The following FAM161A variants were observed in gnomAD, a reference collection of about 807,000 sequenced individuals.
FAM161A encodes protein FAM161A.
In FAM161A, 57 loss-of-function variants were observed where a neutral mutation model predicts 70.9. The observed-to-expected ratio is 0.80, with a 90% CI of 0.65 to 1.00. The LOEUF (loss-of-function observed/expected upper bound fraction) is 1.00. FAM161A is among the 50% of genes least tolerant of loss of function. The pLI is 0.00. For synonymous variants in FAM161A, 299 were observed against 295.7 expected (o/e 1.01, Z -0.12); for missense variants, 880 against 836.0 (o/e 1.05, Z -0.65).
the FAM161A span, among the ~76,000 whole-genome samples, chr2:61,808,307 C>T: frequency 6.7e-6 from 1 of 150,158 alleles, no homozygotes; most frequent in African/African-American, 2.5e-5. Context: ...GAGTCTTGCT[C>T]TGTCGCCCAG....
downstream of FAM161A, among the ~76,000 whole-genome samples, chr2:61,823,139 C>A (rs1672241302): frequency 6.6e-6 from 1 of 150,920 alleles, no homozygotes; most frequent in African/African-American, 2.4e-5. Flanking sequence ...TCAAGACCAG[C>A]CTGGCCAAGA....
chr2:61,848,827 TCTATATATATTTATATATATATTTA>T (rs1558491391), intron 1 of FAM161A, among the ~76,000 whole-genome samples: 153 of 9,996 alleles, frequency 0.015, 54 homozygotes, highest in East Asian at 0.049. Context: ...TATATATATA[TCTATATATATTTATATATATATTTA>T]TATATATATT....
At chr2:61,841,162 T>C (rs895972921) in intron 2 of FAM161A, among the ~76,000 whole-genome samples, 3 of 152,172 alleles carry the variant, frequency 2.0e-5, no homozygotes, top group Non-Finnish European at 2.9e-5. Context: ...AGAGTCACTG[T>C]CCTGAAGCAT....
At chr2:61,804,211 C>A in the FAM161A span, among the ~76,000 whole-genome samples, 1 of 152,130 alleles carries the variant, frequency 6.6e-6, no homozygotes, top group African/African-American at 2.4e-5. Flanking sequence ...AGGTTACTCT[C>A]GTGGCCATCT....
rs1672382918 is a variant in FAM161A, at chr2:61,826,734, C to CA, written c.2007-136dup. On this transcript the variant is annotated intron_variant, in intron 6 of 6. Coordinates refer to ENST00000404929, the MANE Select transcript of FAM161A (RefSeq NM_001201543.2). ...ATTCCAATTTGTTACCAAGACAACTCAAAAAAAAGAAGAAAACGCTATAAA... is the reference window on the plus strand; with the variant it reads ...ATTCCAATTTGTTACCAAGACAACTCAAAAAAAAAGAAGAAAACGCTATAAA... 2.4e-4 allele frequency: 145 copies of CA among 615,550 alleles called. 1 individual carries two copies. The highest frequency in any genetic ancestry group is 1.4e-3 in the South Asian group (69 of 51,040). The allele number at this position is 615,550 out of a possible 1,614,324, so 38.1% of individuals were successfully genotyped here.
chr2:61,845,149 G>A (rs991462504), intron 1 of FAM161A, among the ~76,000 whole-genome samples: 17 of 152,064 alleles, frequency 1.1e-4, no homozygotes, highest in African/African-American at 3.9e-4. Flanking sequence ...GGGAGTGTGA[G>A]CAACAAGACA....
chr2:61,842,338 G>C lies in FAM161A; in HGVS notation c.206C>G (p.Ser69Cys), dbSNP rs1001899350. 2 of 1,569,334 alleles carry C rather than the reference G, an allele frequency of 1.3e-6. No homozygotes were observed. The highest frequency in any genetic ancestry group is 2.7e-5 in the African/African-American group (2 of 73,538). Reference protein sequence around the residue: ...GASADLNTSFSGVDEHAPISY... With the variant: ...GASADLNTSFCGVDEHAPISY... ...TATCGGTGCATGTTCATCCACCCCAGAAAAGCTGGTGTTCAAATCAGCCTG... is the reference window on the plus strand; with the variant it reads ...TATCGGTGCATGTTCATCCACCCCACAAAAGCTGGTGTTCAAATCAGCCTG... Residue 69 changes from serine (S) to cysteine (C), a missense_variant, in exon 2 of 7, where the codon TCT (serine) becomes TGT (cysteine). Coordinates refer to ENST00000404929, the MANE Select transcript of FAM161A (RefSeq NM_001201543.2).
rs181428961 is a variant in FAM161A at position 61,837,021 on chromosome 2, C to T, written c.1752-912G>A. The T allele has an allele frequency of 3.5e-3, 531 of 153,544 alleles. 3 individuals are homozygous for T. Among genetic ancestry groups the T allele is most frequent in the Non-Finnish European group, 4.8e-3 (331 of 68,626 alleles). The allele number at this position is 153,544 out of a possible 1,614,324, so 9.5% of individuals were successfully genotyped here. On this transcript the variant is annotated intron_variant, in intron 4 of 6. Transcript: ENST00000404929. ...GTGGAACTACAGGGGCATGCCACCACACCTGGCTAATTTTTTTAAATTTTT... is the reference window on the plus strand; with the variant it reads ...GTGGAACTACAGGGGCATGCCACCATACCTGGCTAATTTTTTTAAATTTTT...
Position 61,843,898 on chromosome 2 carries a change from C to A in FAM161A, c.184-1538G>T, listed in dbSNP as rs142349765. Among the ~76,000 whole-genome samples, 1,073 of 152,248 alleles carry A rather than the reference C, an allele frequency of 7.0e-3. 13 individuals carry two copies. The highest frequency in any genetic ancestry group is 0.024 in the African/African-American group (1,011 of 41,552). On this transcript the variant is annotated intron_variant, in intron 1 of 6. Transcript: ENST00000404929. ...GTGGCTCACGCCTATAATCCCAGCA[C>A]TTTGGGAGGCCGAGGCAGGTGGATC...
intron 1 of FAM161A, chr2:61,846,812 C>T (rs189725997): frequency 9.8e-5 from 39 of 395,976 alleles, no homozygotes; most frequent in South Asian, 3.2e-4. Flanking sequence ...AGTCTAGCAA[C>T]GGTTATTCAT....
intron 4 of FAM161A, among the ~76,000 whole-genome samples, chr2:61,837,898 T>C (rs1341175040): frequency 1.3e-5 from 2 of 152,172 alleles, no homozygotes; most frequent in Non-Finnish European, 2.9e-5. Flanking sequence ...AAAGCACATA[T>C]GCATATTTAG....
In FAM161A at chr2:61,840,581, T is replaced by A; in HGVS notation, c.423A>T (p.Arg141Ser). The change falls in exon 3 of 7, where the codon AGA becomes AGT. Residue 141 changes from arginine to serine, a missense_variant and splice_region_variant. Transcript: ENST00000404929. ...IREDSLSDSS[R>S]SVSEKNSYHP... Reference sequence around the variant, plus strand: ...GATAGGAGTTCTTTTCTGATACAGATCTAAATGAGAAGAATAACTATGTTA... The same window carrying A: ...GATAGGAGTTCTTTTCTGATACAGAACTAAATGAGAAGAATAACTATGTTA... 1 of 1,583,656 alleles carries A rather than the reference T, an allele frequency of 6.3e-7. No individual in the cohort carries two copies. Among genetic ancestry groups the A allele is most frequent in the Non-Finnish European group, 8.7e-7 (1 of 1,152,384 alleles).
chr2:61,804,812 AAG>A, the FAM161A span, among the ~76,000 whole-genome samples: 26 of 149,682 alleles, frequency 1.7e-4, no homozygotes, highest in African/African-American at 5.9e-4. Context: ...GAAAGAAAGA[AAG>A]AAAGAGAAAG....
At chr2:61,804,644 C>T in the FAM161A span, among the ~76,000 whole-genome samples, 1 of 150,588 alleles carries the variant, frequency 6.6e-6, no homozygotes, top group East Asian at 1.9e-4. Flanking sequence ...AACATTGCAA[C>T]ACTGCACTCC....
chr2:61,833,425 CAAAA>C (rs35987360), intron 5 of FAM161A, among the ~76,000 whole-genome samples: 10 of 110,758 alleles, frequency 9.0e-5, no homozygotes, highest in South Asian at 2.9e-4. Context: ...GACTCTGTCT[CAAAA>C]AAAAAAAAAA....
chr2:61,842,493 G>C (rs1163167880), intron 1 of FAM161A, 133 bp from the exon 2 acceptor site: 1 of 621,352 alleles, frequency 1.6e-6, no homozygotes, highest in African/African-American at 1.8e-5. Flanking sequence ...TATGCATATA[G>C]AATGAGTTAT....
intron 5 of FAM161A, among the ~76,000 whole-genome samples, chr2:61,828,937 G>A (rs541205600): frequency 6.6e-6 from 1 of 152,134 alleles, no homozygotes; most frequent in African/African-American, 2.4e-5. Flanking sequence ...CCCATGAGTG[G>A]ATCTGAACTG....
the FAM161A span, among the ~76,000 whole-genome samples, chr2:61,804,766 A>AAGAGAAAGAAAG: frequency 4.0e-4 from 20 of 49,992 alleles, no homozygotes; most frequent in Admixed American, 1.3e-3. Context: ...AAGAAAAAGA[A>AAGAGAAAGAAAG]AGAGAAAGAA....
chr2:61,804,114 A>G, the FAM161A span, among the ~76,000 whole-genome samples: 24 of 152,232 alleles, frequency 1.6e-4, no homozygotes, highest in Admixed American at 1.4e-3. Context: ...TCCCCATTTT[A>G]GACCATATAG....
Sources: gnomAD v4.1 joint callset for allele counts (sites outside exome capture counted in the v4.1 genomes callset) on GRCh38, gnomAD v4.1.1 for gene constraint, MANE v1.5 for transcripts, NCBI Gene and HGNC (gene_info 2026-07-23, HGNC 2026-07-21) for gene names.